APBA2: variants seen among roughly 807,000 people sequenced by gnomAD.
The protein encoded by APBA2 is amyloid-beta A4 precursor protein-binding family A member 2.
A neutral mutation model predicts 75.0 loss-of-function variants in APBA2; 30 were observed. That is an observed-to-expected ratio of 0.40 (90% CI 0.30 to 0.54). The LOEUF (loss-of-function observed/expected upper bound fraction) is 0.54, where lower values mean the gene tolerates loss of function less well. Ranked by LOEUF, APBA2 falls within the 20% of genes least tolerant of loss-of-function variation. The pLI, the probability that APBA2 is intolerant of heterozygous loss-of-function variation, is 0.49. For synonymous variants in APBA2, 444 were observed against 409.6 expected, an observed-to-expected ratio of 1.08 and a Z score of -1.01; for missense variants, 801 against 1,016.1, an observed-to-expected ratio of 0.79 and a Z score of 2.88.
At chr15:29,002,808 G>A (rs1374519469) in intron 3 of APBA2, among the ~76,000 whole-genome samples, 1 of 152,156 alleles carries the variant, frequency 6.6e-6, no homozygotes, top group Non-Finnish European at 1.5e-5. Context: ...CTTGGTGGCC[G>A]CATACTGTGA....
intron 8 of APBA2, among the ~76,000 whole-genome samples, chr15:29,098,064 G>A (rs139964703): frequency 2.6e-5 from 4 of 152,280 alleles, no homozygotes; most frequent in African/African-American, 9.6e-5. Context: ...AATGGACTTC[G>A]GGTTGATCCC....
chr15:29,093,961 G>A (rs930868724), intron 7 of APBA2, among the ~76,000 whole-genome samples: 2 of 152,222 alleles, frequency 1.3e-5, no homozygotes, highest in African/African-American at 2.4e-5. Flanking sequence ...GCAGAGGCCC[G>A]GCCCTCCCAT....
intron 2 of APBA2, among the ~76,000 whole-genome samples, chr15:28,959,343 C>T (rs1198817538): frequency 1.3e-5 from 2 of 152,172 alleles, no homozygotes; most frequent in Admixed American, 6.5e-5. Context: ...GAAATCTTCA[C>T]CCCCAGGACC....
chr15:28,913,880 G>A (rs2033547934), intron 1 of APBA2, among the ~76,000 whole-genome samples: 3 of 152,216 alleles, frequency 2.0e-5, no homozygotes, highest in Admixed American at 2.0e-4. Flanking sequence ...GGGTCAGTGA[G>A]TAGCTTCGGC....
intron 1 of APBA2, among the ~76,000 whole-genome samples, chr15:28,902,905 A>C (rs2032943539): frequency 6.6e-6 from 1 of 152,042 alleles, no homozygotes; most frequent in Non-Finnish European, 1.5e-5. Flanking sequence ...AGCTCATGTT[A>C]GTATTTAGAA....
intron 6 of APBA2, among the ~76,000 whole-genome samples, chr15:29,078,700 C>T (rs1244725395): frequency 2.6e-5 from 4 of 151,994 alleles, no homozygotes; most frequent in South Asian, 2.1e-4. Context: ...TCAGGATTGG[C>T]GCTGTTGTGT....
chr15:29,019,585 G>A (rs141322498), intron 3 of APBA2, among the ~76,000 whole-genome samples: 5 of 152,292 alleles, frequency 3.3e-5, no homozygotes, highest in African/African-American at 1.2e-4. Context: ...CACATAGAAG[G>A]TATCTGTGCA....
At chr15:28,980,013 A>G (rs981802993) in intron 2 of APBA2, among the ~76,000 whole-genome samples, 1 of 152,236 alleles carries the variant, frequency 6.6e-6, no homozygotes, top group South Asian at 2.1e-4. Flanking sequence ...CCGTAAGCAC[A>G]GTAATGTGAG....
chr15:28,916,499 C>T (rs1349344916), intron 1 of APBA2, among the ~76,000 whole-genome samples: 3 of 152,242 alleles, frequency 2.0e-5, no homozygotes, highest in South Asian at 4.1e-4. Context: ...CCCCTCTGCT[C>T]CCACCTGTCT....
Position 29,089,588 on chromosome 15 carries a change from A to G in APBA2, c.1070-3487A>G, listed in dbSNP as rs778111648. Among the ~76,000 whole-genome samples, 8 of 152,206 alleles carry G rather than the reference A, an allele frequency of 5.3e-5. No individual in the cohort carries two copies. The South Asian group carries it at 1.7e-3, about 32-fold the overall frequency. On this transcript the variant is annotated intron_variant, in intron 6 of 14. Transcript: ENST00000683413. ...CCTCTGTCCACCACCCATGTTCAGG[A>G]TAATTTTCTTCAAAGGTGGCAGGAG...
chr15:28,897,186 C>G (rs2032545920), intron 1 of APBA2, among the ~76,000 whole-genome samples: 1 of 141,366 alleles, frequency 7.1e-6, no homozygotes, highest in East Asian at 2.0e-4. Flanking sequence ...AGACACGACA[C>G]ACACACACAC....
chr15:29,106,890 A>G (rs552892967), intron 12 of APBA2, 71 bp downstream of exon 12: 115 of 1,444,010 alleles, frequency 8.0e-5, no homozygotes, highest in Non-Finnish European at 1.0e-4. Flanking sequence ...CTTTGCTGCA[A>G]TCCCCACTTC....
At chr15:29,088,504 G>A (rs567146671) in intron 6 of APBA2, among the ~76,000 whole-genome samples, 1 of 152,240 alleles carries the variant, frequency 6.6e-6, no homozygotes, top group African/African-American at 2.4e-5. Context: ...CCATTGTCTA[G>A]CGTCCTCATC....
At chr15:28,929,151 C>T (rs553870249) in intron 2 of APBA2, among the ~76,000 whole-genome samples, 95 of 152,260 alleles carry the variant, frequency 6.2e-4, no homozygotes, top group Non-Finnish European at 5.9e-5. Context: ...TTTCCTGTTA[C>T]CCTAACCGGG....
chr15:28,935,814 C>G (rs1294452935), intron 2 of APBA2, among the ~76,000 whole-genome samples: 1 of 152,176 alleles, frequency 6.6e-6, no homozygotes, highest in African/African-American at 2.4e-5. Flanking sequence ...GAAGAAAAGG[C>G]CTAATTTCTG....
intron 1 of APBA2, among the ~76,000 whole-genome samples, chr15:28,894,524 A>C (rs1471112086): frequency 6.6e-6 from 1 of 152,174 alleles, no homozygotes; most frequent in Admixed American, 6.5e-5. Flanking sequence ...TTCAGAGCCC[A>C]GGCCAGAAGA....
At chr15:29,112,182 G>C (rs1166154153) in intron 13 of APBA2, among the ~76,000 whole-genome samples, 1 of 152,224 alleles carries the variant, frequency 6.6e-6, no homozygotes, top group Non-Finnish European at 1.5e-5. Flanking sequence ...CCGGGAGCTG[G>C]TGGGCAGGGA....
chr15:28,914,568 C>T (rs1268256956), intron 1 of APBA2, among the ~76,000 whole-genome samples: 3 of 152,018 alleles, frequency 2.0e-5, no homozygotes, highest in Admixed American at 6.6e-5. Context: ...CTCCTCCTCC[C>T]GTGCAGTGCA....
intron 2 of APBA2, among the ~76,000 whole-genome samples, chr15:28,957,845 C>T (rs770889461): frequency 6.6e-6 from 1 of 152,182 alleles, no homozygotes; most frequent in Non-Finnish European, 1.5e-5. Flanking sequence ...TCTGTGGGAG[C>T]ACAATATGTC....
Sources: allele counts gnomAD v4.1 joint callset (sites outside exome capture counted in the v4.1 genomes callset), GRCh38; gene constraint gnomAD v4.1.1; transcripts MANE v1.5; gene names NCBI Gene and HGNC (gene_info 2026-07-23, HGNC 2026-07-21).